Variants in TMEM132D observed in about 807,000 individuals in gnomAD.
TMEM132D encodes transmembrane protein 132D, also known as mature OL transmembrane protein.
Under a neutral mutation model 62.3 loss-of-function variants are expected in TMEM132D, and 21 were observed. The ratio of observed to expected loss-of-function variants is 0.34; its 90% CI spans 0.24 to 0.49. TMEM132D has a LOEUF of 0.49. Among genes scored for constraint, TMEM132D ranks in the 20% least tolerant of loss-of-function variants. The pLI is 0.99. For synonymous variants in TMEM132D, 621 were observed against 575.6 expected, an observed-to-expected ratio of 1.08 and a Z score of -1.13; for missense variants, 1,346 against 1,402.8, an observed-to-expected ratio of 0.96 and a Z score of 0.65.
chr12:129,649,194 T>G (rs1460263105), intron 2 of TMEM132D, among the ~76,000 whole-genome samples: 1 of 152,214 alleles, frequency 6.6e-6, no homozygotes, highest in Non-Finnish European at 1.5e-5. Context: ...CATTTCTTAT[T>G]CAACAATAGT....
At chr12:129,809,466 C>T (rs1045331672) in intron 1 of TMEM132D, among the ~76,000 whole-genome samples, 1 of 151,914 alleles carries the variant, frequency 6.6e-6, no homozygotes, top group Admixed American at 6.6e-5. Context: ...AGAGTCAGTG[C>T]GTGAGGGGTT....
chr12:129,825,378 C>T (rs1423392166), intron 1 of TMEM132D, among the ~76,000 whole-genome samples: 5 of 152,122 alleles, frequency 3.3e-5, no homozygotes, highest in African/African-American at 7.2e-5. Context: ...AGCTCCTCTC[C>T]CGTCCTCCAG....
intron 3 of TMEM132D, among the ~76,000 whole-genome samples, chr12:129,469,700 G>A (rs372969460): frequency 6.6e-6 from 1 of 152,122 alleles, no homozygotes; most frequent in East Asian, 1.9e-4. Context: ...TCTTTTATAA[G>A]GGAAAAAGGA....
intron 3 of TMEM132D, among the ~76,000 whole-genome samples, chr12:129,347,925 A>T (rs1869737608): frequency 6.6e-6 from 1 of 152,232 alleles, no homozygotes; most frequent in African/African-American, 2.4e-5. Flanking sequence ...TCAAAAGAAG[A>T]CATTTATGCA....
At chr12:129,176,855 GT>G (rs1205157106) in intron 5 of TMEM132D, among the ~76,000 whole-genome samples, 1 of 152,222 alleles carries the variant, frequency 6.6e-6, no homozygotes, top group Admixed American at 6.5e-5. Flanking sequence ...AGTGACAGCT[GT>G]TAAGAAGTAA....
At chr12:129,253,128 A>G (rs1880313661) in intron 4 of TMEM132D, among the ~76,000 whole-genome samples, 1 of 151,884 alleles carries the variant, frequency 6.6e-6, no homozygotes, top group African/African-American at 2.4e-5. Flanking sequence ...CCAACATGGC[A>G]CATGTATACA....
chr12:129,700,016 G>C lies in TMEM132D; in HGVS notation c.762C>G (p.His254Gln), dbSNP rs2137225780. Reference protein sequence around the residue: ...ARRSNGIRTGHSDIDESGPPL... With the variant: ...ARRSNGIRTGQSDIDESGPPL... ...GGGGCCCGGACTCATCGATGTCACTGTGGCCTGTCCGGATCCCATTGCTTC... is the reference window on the plus strand; with the variant it reads ...GGGGCCCGGACTCATCGATGTCACTCTGGCCTGTCCGGATCCCATTGCTTC... Residue 254 changes from histidine (H) to glutamine (Q), a missense_variant, in exon 2 of 9, where the codon CAC becomes CAG. His to Gln is a conservative substitution (Grantham distance 24). Transcript: ENST00000422113. 1 of 1,614,028 alleles carries C rather than the reference G, an allele frequency of 6.2e-7. No homozygotes were observed. Among genetic ancestry groups the C allele is most frequent in the Non-Finnish European group, 8.5e-7 (1 of 1,180,042 alleles).
In TMEM132D at chr12:129,700,437, G is replaced by T. The variant is rs2137227264; in HGVS notation, c.341C>A (p.Ser114Tyr). 2 of 1,614,164 alleles carry T rather than the reference G, an allele frequency of 1.2e-6. No individual in the cohort carries two copies. Among genetic ancestry groups the T allele is most frequent in the Non-Finnish European group, 8.5e-7 (1 of 1,180,038 alleles). ...QVVPQDLMLP[S>Y]NPFGFTNKFS... Reference sequence around the variant, plus strand: ...TTTGTTGGTGAATCCAAATGGGTTGGAAGGTAGCATTAAATCCTGGGGCAC... The same window carrying T: ...TTTGTTGGTGAATCCAAATGGGTTGTAAGGTAGCATTAAATCCTGGGGCAC... The change falls in exon 2 of 9, where the codon TCC (serine) becomes TAC (tyrosine). Residue 114 changes from serine (S) to tyrosine (Y), a missense_variant. Coordinates refer to ENST00000422113, the MANE Select transcript of TMEM132D (RefSeq NM_133448.3).
Position 129,071,839 on chromosome 12 carries a change from G to T in TMEM132D, c.*2036C>A, listed in dbSNP as rs1458559710. 6.6e-6 allele frequency: 1 copy of T among 152,218 alleles called. No homozygotes were observed. The highest frequency in any genetic ancestry group is 2.4e-5 in the African/African-American group (1 of 41,466). 9.4% of individuals were successfully genotyped at this position (152,218 alleles called of 1,614,324 possible). Reference sequence around the variant, plus strand: ...ATGGATTTGGAAGCGGGCAGCGGCTGCAGTATTCAACAGAACATGACACAG... The same window carrying T: ...ATGGATTTGGAAGCGGGCAGCGGCTTCAGTATTCAACAGAACATGACACAG... On this transcript the variant is annotated 3_prime_UTR_variant, in exon 9 of 9. Transcript: ENST00000422113.
intron 4 of TMEM132D, among the ~76,000 whole-genome samples, chr12:129,266,048 C>T (rs1268149501): frequency 1.3e-5 from 2 of 152,162 alleles, no homozygotes; most frequent in Admixed American, 1.3e-4. Flanking sequence ...CCTTTTCAAT[C>T]TGCTCTGAGA....
rs150815382 is a variant in TMEM132D, at chr12:129,882,783, T to C, written c.79+20478A>G. On this transcript the variant is annotated intron_variant, in intron 1 of 8. Coordinates refer to ENST00000422113, the MANE Select transcript of TMEM132D (RefSeq NM_133448.3). ...TTTAAGAAGGAAAACCAGATGATCA[T>C]GGCAATTGGTGCAATAGAAGTAGTC... is the stretch of plus-strand genomic sequence containing the variant. 6.1e-3 allele frequency among the ~76,000 whole-genome samples: 932 copies of C among 152,314 alleles called. 11 individuals carry two copies. Among genetic ancestry groups the C allele is most frequent in the African/African-American group, 0.021 (870 of 41,562 alleles).
intron 5 of TMEM132D, among the ~76,000 whole-genome samples, chr12:129,104,558 C>G (rs549373278): frequency 4.6e-5 from 7 of 152,078 alleles, no homozygotes; most frequent in East Asian, 1.9e-4. Context: ...TAATTAAACT[C>G]AAGAGCTTCT....
chr12:129,667,689 A>T (rs668980), intron 2 of TMEM132D, among the ~76,000 whole-genome samples: 1 of 151,902 alleles, frequency 6.6e-6, no homozygotes, highest in Non-Finnish European at 1.5e-5. Flanking sequence ...CTCCTAAAAA[A>T]TTATTTTTCT....
At chr12:129,471,536 G>A (rs1490711177) in intron 3 of TMEM132D, among the ~76,000 whole-genome samples, 2 of 152,016 alleles carry the variant, frequency 1.3e-5, no homozygotes, top group South Asian at 2.1e-4. Flanking sequence ...TCTGACAAAC[G>A]ACAGTAGTGA....
chr12:129,563,283 GGACACAGT>G (rs1877286317), intron 2 of TMEM132D, among the ~76,000 whole-genome samples: 1 of 152,062 alleles, frequency 6.6e-6, no homozygotes, highest in African/African-American at 2.4e-5. Flanking sequence ...CTTGTTCAAG[GGACACAGT>G]GACATAAATT....
chr12:129,174,128 G>T (rs7314972), intron 5 of TMEM132D, among the ~76,000 whole-genome samples: 6,633 of 152,152 alleles, frequency 0.044, 211 homozygotes, highest in East Asian at 0.082. Context: ...ACCTTAAGTT[G>T]CAGGATACAT....
At chr12:129,429,180 G>A (rs889493704) in intron 3 of TMEM132D, among the ~76,000 whole-genome samples, 1 of 150,998 alleles carries the variant, frequency 6.6e-6, no homozygotes, top group Non-Finnish European at 1.5e-5. Context: ...GTTCCTCACT[G>A]TAGTCCAAAG....
intron 2 of TMEM132D, among the ~76,000 whole-genome samples, chr12:129,558,385 G>A (rs1877120539): frequency 6.6e-6 from 1 of 152,152 alleles, no homozygotes; most frequent in Admixed American, 6.6e-5. Context: ...AAAAACTAAA[G>A]CAGCTTTAGA....
chr12:129,639,329 G>A (rs187439007), intron 2 of TMEM132D, among the ~76,000 whole-genome samples: 2 of 145,338 alleles, frequency 1.4e-5, no homozygotes, highest in East Asian at 4.2e-4. Flanking sequence ...GTTGCAGTGA[G>A]CTGAGATTGA....
Sources: gnomAD v4.1 joint callset for allele counts (sites outside exome capture counted in the v4.1 genomes callset) on GRCh38, gnomAD v4.1.1 for gene constraint, MANE v1.5 for transcripts, NCBI Gene and HGNC (gene_info 2026-07-23, HGNC 2026-07-21) for gene names.